Variants in KRAS observed in about 807,000 individuals in gnomAD.
KRAS encodes GTPase KRas.
KRAS carries 1 observed loss-of-function variant against 21.0 expected under a neutral mutation model. That is an observed-to-expected ratio of 0.05 (90% CI 0.02 to 0.23). KRAS has a LOEUF of 0.23. Among genes scored for constraint, KRAS ranks in the 10% least tolerant of loss-of-function variants. The pLI, the probability that KRAS is intolerant of heterozygous loss-of-function variation, is 1.00. For synonymous variants in KRAS, 67 were observed against 72.5 expected, an observed-to-expected ratio of 0.92 and a Z score of 0.39; for missense variants, 107 against 221.8, an observed-to-expected ratio of 0.48 and a Z score of 3.29.
At chr12:25,232,927 A>G (rs1345135927) in intron 2 of KRAS, among the ~76,000 whole-genome samples, 2 of 152,232 alleles carry the variant, frequency 1.3e-5, no homozygotes, top group African/African-American at 2.4e-5. Flanking sequence ...AGCCTTTGAC[A>G]TAGTAATGTT....
chr12:25,250,393 C>T (rs1174127376), intron 1 of KRAS, among the ~76,000 whole-genome samples: 1 of 152,096 alleles, frequency 6.6e-6, no homozygotes, highest in Non-Finnish European at 1.5e-5. Context: ...CCACCGCACC[C>T]CACCGCTCCG....
intron 1 of KRAS, among the ~76,000 whole-genome samples, chr12:25,245,757 A>G (rs1239296377): frequency 6.6e-6 from 1 of 152,212 alleles, no homozygotes; most frequent in Non-Finnish European, 1.5e-5. Flanking sequence ...TAGAGACTTC[A>G]CAGTGCTCTA....
At position 25,225,782 on chromosome 12, in the gene KRAS, GA is replaced by G. The variant is rs727503991; in HGVS notation, c.291-10del. Reference sequence around the variant, plus strand: ...CTCTTTTAATTTGTTCTCTGGGAAAGAAAAAAAAGTTATAGCACAGTCATTA... The same window carrying G: ...CTCTTTTAATTTGTTCTCTGGGAAAGAAAAAAAGTTATAGCACAGTCATTA... On this transcript the variant is annotated splice_polypyrimidine_tract_variant and intron_variant, in intron 3 of 4. Transcript: ENST00000311936. 9.3e-6 allele frequency: 15 copies of G among 1,607,610 alleles called. No homozygotes were observed. Among genetic ancestry groups the G allele is most frequent in the East Asian group, 2.2e-5 (1 of 44,716 alleles).
At chr12:25,237,097 T>C (rs61761101) in intron 2 of KRAS, among the ~76,000 whole-genome samples, 18,010 of 152,120 alleles carry the variant, frequency 0.12, 1,453 homozygotes, top group Admixed American at 0.16. Context: ...AGCAAAAACA[T>C]AGACGAACTC....
At chr12:25,243,077 C>CT (rs1951631000) in intron 2 of KRAS, among the ~76,000 whole-genome samples, 1 of 152,200 alleles carries the variant, frequency 6.6e-6, no homozygotes, top group African/African-American at 2.4e-5. Context: ...AATTTTCTCT[C>CT]TGACCCACAC....
rs968960255 is a variant in KRAS at position 25,207,169 on chromosome 12, CTT to C, written c.*2624_*2625del. The C allele has an allele frequency of 2.9e-5, 6 of 210,498 alleles. No individual in the cohort carries two copies. The highest frequency in any genetic ancestry group is 1.4e-4 in the African/African-American group (6 of 44,096). The allele number at this position is 210,498 out of a possible 1,614,324, so 13.0% of individuals were successfully genotyped here. A position where few individuals can be genotyped will look rare whatever the true frequency, so the allele number is the denominator to read the frequency against. ...CTACCTAAGGACCGGGATTATGTCT[CTT>C]GTTTGGGGATACCATATACCCAGTG... On this transcript the variant is annotated 3_prime_UTR_variant, in exon 5 of 5. Transcript: ENST00000311936.
At chr12:25,227,658 G>A (rs1951410256) in intron 2 of KRAS, among the ~76,000 whole-genome samples, 1 of 151,928 alleles carries the variant, frequency 6.6e-6, no homozygotes, top group South Asian at 2.1e-4. Flanking sequence ...ATTAGGATTG[G>A]CTATTATTAA....
intron 2 of KRAS, among the ~76,000 whole-genome samples, chr12:25,233,170 A>C (rs942906824): frequency 1.3e-5 from 2 of 152,202 alleles, no homozygotes; most frequent in Non-Finnish European, 2.9e-5. Context: ...TGTCTCAGGC[A>C]ATCTGCAGCA....
intron 2 of KRAS, among the ~76,000 whole-genome samples, chr12:25,232,716 A>G (rs1951490348): frequency 6.6e-6 from 1 of 152,212 alleles, no homozygotes; most frequent in Non-Finnish European, 1.5e-5. Flanking sequence ...TAAATGAAGG[A>G]AAGTTATTCC....
chr12:25,247,338 T>C (rs1951697476), intron 1 of KRAS, among the ~76,000 whole-genome samples: 1 of 152,196 alleles, frequency 6.6e-6, no homozygotes, highest in Non-Finnish European at 1.5e-5. Flanking sequence ...TCCTAAGCCC[T>C]GCCGCAAAAA....
chr12:25,220,577 A>C (rs1440148206), intron 4 of KRAS, among the ~76,000 whole-genome samples: 2 of 152,118 alleles, frequency 1.3e-5, no homozygotes, highest in Non-Finnish European at 2.9e-5. Flanking sequence ...AAATACAAAA[A>C]TTAGCTGGGC....
chr12:25,243,751 G>A (rs1009417297), intron 2 of KRAS, among the ~76,000 whole-genome samples: 2 of 152,196 alleles, frequency 1.3e-5, no homozygotes, highest in African/African-American at 4.8e-5. Context: ...GATTTAAATA[G>A]TAGAGTCTGC....
intron 4 of KRAS, chr12:25,210,662 ATTCT>A (rs61763583): frequency 1.3e-4 from 20 of 152,280 alleles, no homozygotes; most frequent in African/African-American, 3.1e-4. Flanking sequence ...TTTGGAGGAG[ATTCT>A]TTCTATCCCA....
rs1459645314 is a variant in KRAS at position 25,205,555 on chromosome 12, C to T, written c.*4240G>A. The T allele has an allele frequency of 2.3e-5, 5 of 215,112 alleles. No individual in the cohort carries two copies. In the Admixed American group the frequency reaches 2.9e-4, roughly 13 times the overall value. 13.3% of individuals were successfully genotyped at this position (215,112 alleles called of 1,614,324 possible). A position where few individuals can be genotyped will look rare whatever the true frequency, so the allele number is the denominator to read the frequency against. On this transcript the variant is annotated 3_prime_UTR_variant, in exon 5 of 5. Transcript: ENST00000311936. Reference sequence around the variant, plus strand: ...AAATACATTCCAGGTAAACATGTTACATTAAGAAATAGTACTAGTAAGAAA... The same window carrying T: ...AAATACATTCCAGGTAAACATGTTATATTAAGAAATAGTACTAGTAAGAAA...
intron 2 of KRAS, 122 bp downstream of exon 2, chr12:25,245,152 G>A (rs747150444): frequency 7.3e-6 from 8 of 1,090,724 alleles, no homozygotes; most frequent in Non-Finnish European, 1.1e-5. Context: ...GTACATTTCA[G>A]ATAACTTAAC....
At chr12:25,237,631 C>T (rs1358859782) in intron 2 of KRAS, among the ~76,000 whole-genome samples, 1 of 152,152 alleles carries the variant, frequency 6.6e-6, no homozygotes, top group Non-Finnish European at 1.5e-5. Flanking sequence ...CTTATTTGTG[C>T]TATGGGCTTG....
chr12:25,208,335 T>C lies in KRAS; in HGVS notation c.*1460A>G, dbSNP rs1951163532. ...TCACCATGCCATCTCACTTCATTTA[T>C]TTTAAAATAAGTAACATTTTAAATT... On this transcript the variant is annotated 3_prime_UTR_variant, in exon 5 of 5. Coordinates refer to ENST00000311936, the MANE Select transcript of KRAS (RefSeq NM_004985.5). The C allele has an allele frequency of 4.3e-6, 1 of 233,052 alleles. No homozygotes were observed. The highest frequency in any genetic ancestry group is 5.6e-5 in the Admixed American group (1 of 17,762). The allele number at this position is 233,052 out of a possible 1,614,324, so 14.4% of individuals were successfully genotyped here. A position where few individuals can be genotyped will look rare whatever the true frequency, so the allele number is the denominator to read the frequency against.
chr12:25,239,750 C>T (rs1371245253), intron 2 of KRAS, among the ~76,000 whole-genome samples: 1 of 152,008 alleles, frequency 6.6e-6, no homozygotes, highest in Non-Finnish European at 1.5e-5. Flanking sequence ...GTCAGGAGTT[C>T]GAGACTAGCC....
At chr12:25,240,824 TAATA>T (rs1951601021) in intron 2 of KRAS, among the ~76,000 whole-genome samples, 1 of 152,240 alleles carries the variant, frequency 6.6e-6, no homozygotes, top group African/African-American at 2.4e-5. Context: ...ATTCAGGTCT[TAATA>T]AATACTTATT....
Sources: allele counts gnomAD v4.1 joint callset (sites outside exome capture counted in the v4.1 genomes callset), GRCh38; gene constraint gnomAD v4.1.1; transcripts MANE v1.5; gene names NCBI Gene and HGNC (gene_info 2026-07-23, HGNC 2026-07-21).